The following ABRAXAS2 variants were observed in gnomAD, a reference collection of about 807,000 sequenced individuals.
The protein encoded by ABRAXAS2 is abraxas 2, BRISC complex subunit, also known as BRISC complex subunit Abraxas 2.
ABRAXAS2 carries 23 observed loss-of-function variants against 49.0 expected under a neutral mutation model. The observed-to-expected ratio is 0.47, with a 90% CI of 0.34 to 0.66. The LOEUF (loss-of-function observed/expected upper bound fraction) is 0.66, where lower values mean the gene tolerates loss of function less well. ABRAXAS2 is among the 30% of genes least tolerant of loss of function. The pLI, the probability that ABRAXAS2 is intolerant of heterozygous loss-of-function variation, is 0.01. For missense variants in ABRAXAS2, 443 were observed against 511.9 expected, an observed-to-expected ratio of 0.87 and a Z score of 1.30; for synonymous variants, 168 against 180.2, an observed-to-expected ratio of 0.93 and a Z score of 0.54.
intron 6 of ABRAXAS2, 28 bp downstream of exon 6, chr10:124,828,903 T>C: frequency 1.2e-6 from 2 of 1,605,228 alleles, no homozygotes; most frequent in Non-Finnish European, 1.7e-6. Flanking sequence ...GTGCTAGTTT[T>C]TTCTTTTGTC....
In ABRAXAS2 at chr10:124,816,660, A is replaced by T. The variant is rs777244678; in HGVS notation, c.200+48A>T. The T allele has an allele frequency of 3.5e-4, 480 of 1,381,220 alleles. 1 individual carries two copies. Among genetic ancestry groups the T allele is most frequent in the East Asian group, 4.1e-4 (18 of 43,800 alleles). 85.6% of individuals were successfully genotyped at this position (1,381,220 alleles called of 1,614,324 possible). ...GTCCTTACTAAAAGGATTGATTGAT[A>T]AAAAAAACTAGTGAATTTTGGCCTG... is the stretch of plus-strand genomic sequence containing the variant. On this transcript the variant is annotated intron_variant, in intron 3 of 8. Coordinates refer to ENST00000298492, the MANE Select transcript of ABRAXAS2 (RefSeq NM_032182.4).
intron 2 of ABRAXAS2, among the ~76,000 whole-genome samples, chr10:124,815,857 G>T (rs964864265): frequency 6.7e-6 from 1 of 148,378 alleles, no homozygotes; most frequent in African/African-American, 2.5e-5. Flanking sequence ...GGGTGAGGGT[G>T]GTTAAGGCCC....
In ABRAXAS2 at chr10:124,835,778, A is replaced by G. The variant is rs1370316869; in HGVS notation, c.*807A>G. 6.6e-6 allele frequency: 1 copy of G among 152,220 alleles called. No individual in the cohort carries two copies. Among genetic ancestry groups the G allele is most frequent in the East Asian group, 1.9e-4 (1 of 5,202 alleles). The allele number at this position is 152,220 out of a possible 1,614,324, so 9.4% of individuals were successfully genotyped here. ...GGAGAACAGAAGGAGTGAGTTTTAT[A>G]ATGAACAGATTCCAGACACGGTAGG... On this transcript the variant is annotated 3_prime_UTR_variant, in exon 9 of 9. Coordinates refer to ENST00000298492, the MANE Select transcript of ABRAXAS2 (RefSeq NM_032182.4).
At chr10:124,806,995 C>T (rs1950749135) in intron 2 of ABRAXAS2, 74 bp downstream of exon 2, 1 of 1,188,482 alleles carries the variant, frequency 8.4e-7, no homozygotes, top group Admixed American at 1.9e-5. Flanking sequence ...GTTGTTTTGC[C>T]CTTAACTGAT....
intron 2 of ABRAXAS2, among the ~76,000 whole-genome samples, chr10:124,814,544 T>C (rs1418309375): frequency 6.6e-6 from 1 of 151,796 alleles, no homozygotes; most frequent in Admixed American, 6.6e-5. Flanking sequence ...TTTCACCATA[T>C]TGGCCAGGCT....
At chr10:124,834,250 T>C (rs1166705194) in intron 8 of ABRAXAS2, among the ~76,000 whole-genome samples, 2 of 152,226 alleles carry the variant, frequency 1.3e-5, no homozygotes, top group East Asian at 3.8e-4. Flanking sequence ...TCTTTGCATC[T>C]ATAATGGAAA....
At chr10:124,806,787 AT>A in intron 1 of ABRAXAS2, 43 bp from the exon 2 acceptor site, 1 of 1,302,082 alleles carries the variant, frequency 7.7e-7, no homozygotes, top group East Asian at 2.3e-5. Flanking sequence ...AGTAAAAGTC[AT>A]TTTTATTTTT....
intron 4 of ABRAXAS2, among the ~76,000 whole-genome samples, chr10:124,824,787 A>G (rs1179467799): frequency 2.0e-5 from 3 of 152,294 alleles, no homozygotes; most frequent in Non-Finnish European, 2.9e-5. Flanking sequence ...GGAGTTGGGT[A>G]CAGAGTATTG....
At chr10:124,832,483 A>C (rs1950939538) in intron 8 of ABRAXAS2, among the ~76,000 whole-genome samples, 1 of 152,238 alleles carries the variant, frequency 6.6e-6, no homozygotes, top group Non-Finnish European at 1.5e-5. Context: ...TCCAGTTAAA[A>C]TGTAATTTAT....
At chr10:124,816,469 G>A in intron 2 of ABRAXAS2, 107 bp from the exon 3 acceptor site, 2 of 746,614 alleles carry the variant, frequency 2.7e-6, no homozygotes, top group South Asian at 3.4e-5. Context: ...GGGAAAAGCT[G>A]TCTTTGTTGT....
intron 4 of ABRAXAS2, among the ~76,000 whole-genome samples, chr10:124,821,932 G>A (rs942135769): frequency 1.1e-4 from 16 of 152,190 alleles, no homozygotes; most frequent in African/African-American, 1.4e-4. Flanking sequence ...TGTTCTGCAC[G>A]CTTCACGTGT....
chr10:124,833,528 C>T (rs1950948401), intron 8 of ABRAXAS2, among the ~76,000 whole-genome samples: 1 of 152,136 alleles, frequency 6.6e-6, no homozygotes, highest in Admixed American at 6.5e-5. Flanking sequence ...GTTTTATATA[C>T]ATGTACAGAC....
chr10:124,805,570 G>T (rs1286741454), intron 1 of ABRAXAS2, among the ~76,000 whole-genome samples: 1 of 152,192 alleles, frequency 6.6e-6, no homozygotes, highest in Non-Finnish European at 1.5e-5. Flanking sequence ...CAGTGAATAA[G>T]CACACAGTCC....
At position 124,801,914 on chromosome 10, in the gene ABRAXAS2, C is replaced by G; in HGVS notation, c.72+13C>G. 6.2e-7 allele frequency: 1 copy of G among 1,610,410 alleles called. No homozygotes were observed. The highest frequency in any genetic ancestry group is 8.5e-7 in the Non-Finnish European group (1 of 1,178,344). On this transcript the variant is annotated intron_variant, in intron 1 of 8. Transcript: ENST00000298492. ...CAACGCGGACCACGTAGGTGCCGGG[C>G]CCCCTGCCGCGCCCGCTGGGGGCTT...
At chr10:124,831,165 A>G (rs1170496768) in intron 7 of ABRAXAS2, among the ~76,000 whole-genome samples, 184 bp from the exon 8 acceptor site, 1 of 152,242 alleles carries the variant, frequency 6.6e-6, no homozygotes, top group African/African-American at 2.4e-5. Flanking sequence ...TTAAAATTAA[A>G]GCAAATCAGT....
intron 1 of ABRAXAS2, 86 bp downstream of exon 1, chr10:124,801,987 G>A: frequency 7.1e-7 from 1 of 1,400,272 alleles, no homozygotes; most frequent in South Asian, 1.2e-5. Flanking sequence ...GGGACCTCAT[G>A]CGGCTCGCCC....
chr10:124,823,195 A>G (rs937799602), intron 4 of ABRAXAS2, among the ~76,000 whole-genome samples: 1 of 151,844 alleles, frequency 6.6e-6, no homozygotes, highest in African/African-American at 2.4e-5. Flanking sequence ...CAGCACAAAG[A>G]CAGAGATGAT....
chr10:124,831,840 G>GTATTTTTTTTTTTTTTT lies in ABRAXAS2; in HGVS notation c.778+378_778+379insATTTTTTTTTTTTTTTT, dbSNP rs1564925948. Among the ~76,000 whole-genome samples, 7 of 106,208 alleles carry GTATTTTTTTTTTTTTTT rather than the reference G, an allele frequency of 6.6e-5. 1 individual carries two copies. The highest frequency in any genetic ancestry group is 9.1e-5 in the Non-Finnish European group (5 of 54,864). The allele number at this position is 106,208 out of a possible 152,430, so 69.7% of individuals were successfully genotyped here. On this transcript the variant is annotated intron_variant, in intron 8 of 8. Coordinates refer to ENST00000298492, the MANE Select transcript of ABRAXAS2 (RefSeq NM_032182.4). ...GTCCAGCAGGTAGGCACTGTGTCCT[G>GTATTTTTTTTTTTTTTT]TCTTTTTTTTTTTTTTTTTTTTTTT... is the stretch of plus-strand genomic sequence containing the variant.
intron 1 of ABRAXAS2, among the ~76,000 whole-genome samples, chr10:124,804,901 A>C (rs1950730368): frequency 6.6e-6 from 1 of 151,438 alleles, no homozygotes; most frequent in African/African-American, 2.4e-5. Flanking sequence ...TTTAGTAGAG[A>C]CGGGGTTTCT....
Sources: gnomAD v4.1 joint callset for allele counts (sites outside exome capture counted in the v4.1 genomes callset) on GRCh38, gnomAD v4.1.1 for gene constraint, MANE v1.5 for transcripts, NCBI Gene and HGNC (gene_info 2026-07-23, HGNC 2026-07-21) for gene names.